The following WLS variants were observed in gnomAD, a reference collection of about 807,000 sequenced individuals.
WLS encodes Wnt ligand secretion mediator.
WLS carries 23 observed loss-of-function variants against 62.8 expected under a neutral mutation model. The observed-to-expected ratio is 0.37, with a 90% confidence interval of 0.26 to 0.52. The LOEUF is 0.52. Among genes scored for constraint, WLS ranks in the 20% least tolerant of loss-of-function variants. The pLI is 0.92. For synonymous variants in WLS, 246 were observed against 244.1 expected (o/e 1.01, Z -0.07); for missense variants, 615 against 697.3 (o/e 0.88, Z 1.33).
chr1:68,155,520 A>T (rs1344979972), intron 3 of WLS, among the ~76,000 whole-genome samples: 1 of 152,190 alleles, frequency 6.6e-6, no homozygotes, highest in Non-Finnish European at 1.5e-5. Context: ...AAGCAGAGAT[A>T]CCTTCCTTCT....
chr1:68,148,478 T>C (rs1209380031), intron 7 of WLS, 85 bp downstream of exon 7: 1 of 1,416,008 alleles, frequency 7.1e-7, no homozygotes. Flanking sequence ...ACCACCATTC[T>C]CCTTTTCAAA....
intron 1 of WLS, among the ~76,000 whole-genome samples, chr1:68,226,017 A>G (rs1467452618): frequency 6.6e-6 from 1 of 152,226 alleles, no homozygotes; most frequent in East Asian, 1.9e-4. Flanking sequence ...GGACTGGCAC[A>G]GGCAAACTTC....
intron 2 of WLS, among the ~76,000 whole-genome samples, chr1:68,164,505 G>A (rs1398768934): frequency 7.2e-5 from 11 of 152,188 alleles, no homozygotes; most frequent in Non-Finnish European, 1.5e-4. Flanking sequence ...TGATCCGCCT[G>A]CCTCAGCTTC....
At chr1:68,113,233 G>GT (rs1646251106) in intron 11 of WLS, among the ~76,000 whole-genome samples, 1 of 152,214 alleles carries the variant, frequency 6.6e-6, no homozygotes, top group African/African-American at 2.4e-5. Context: ...TTATAGATAG[G>GT]TTGTTGAGTC....
rs1198859636 is a variant in WLS, at chr1:68,153,372, G to A, written c.803+145C>T. On this transcript the variant is annotated intron_variant, in intron 5 of 11. Transcript: ENST00000262348. ...CAACTTGCATAGGAAAACTGCAGGA[G>A]AAAAAGGAGTCCAGGATGACTCCTG... The A allele has an allele frequency of 4.8e-6, 5 of 1,048,004 alleles. No individual in the cohort carries two copies. The African/African-American group carries it at 8.0e-5, about 17-fold the overall frequency. The allele number at this position is 1,048,004 out of a possible 1,614,324, so 64.9% of individuals were successfully genotyped here.
intron 11 of WLS, chr1:68,100,822 G>C (rs988912333): frequency 1.3e-5 from 2 of 152,188 alleles, no homozygotes; most frequent in Non-Finnish European, 2.9e-5. Context: ...AAACTATATT[G>C]TAACTGCCTC....
intron 11 of WLS, among the ~76,000 whole-genome samples, chr1:68,135,029 C>A (rs1429972300): frequency 1.3e-5 from 2 of 152,228 alleles, no homozygotes; most frequent in East Asian, 3.8e-4. Flanking sequence ...TTTGGAAATC[C>A]CTTACCTATG....
chr1:68,213,776 C>T (rs895314310), intron 1 of WLS, among the ~76,000 whole-genome samples: 1 of 152,148 alleles, frequency 6.6e-6, no homozygotes, highest in Non-Finnish European at 1.5e-5. Flanking sequence ...CTTGTCTTCC[C>T]AAATTTAAGT....
chr1:68,187,899 G>A (rs1292613434), intron 2 of WLS, among the ~76,000 whole-genome samples: 1 of 151,668 alleles, frequency 6.6e-6, no homozygotes, highest in African/African-American at 2.4e-5. Flanking sequence ...TTCAATTTTG[G>A]TGGTATAATT....
rs1244971628 is a variant in WLS at position 68,174,174 on chromosome 1, C to T, written c.380-14927G>A. Among the ~76,000 whole-genome samples, 8 of 152,316 alleles carry T rather than the reference C, an allele frequency of 5.3e-5. No homozygotes were observed. In the East Asian group the frequency reaches 1.2e-3, roughly 22 times the overall value. The stretch of plus-strand genomic sequence containing the variant: ...CAGCTCTCCCGCAGCTCCATGTTGG[C>T]TCTCAGCGCTGCTGCCAGCCAGCTA... On this transcript the variant is annotated intron_variant, in intron 2 of 11. Coordinates refer to ENST00000262348, the MANE Select transcript of WLS (RefSeq NM_024911.7).
chr1:68,219,271 C>T (rs552212461), intron 1 of WLS, among the ~76,000 whole-genome samples: 2 of 152,312 alleles, frequency 1.3e-5, no homozygotes, highest in East Asian at 1.9e-4. Flanking sequence ...TAACAATCAG[C>T]ATAACAGTAG....
intron 10 of WLS, among the ~76,000 whole-genome samples, chr1:68,140,082 C>T (rs1479551578): frequency 6.6e-6 from 1 of 152,208 alleles, no homozygotes; most frequent in Non-Finnish European, 1.5e-5. Context: ...GTGCCAGATA[C>T]AATACTAAAT....
chr1:68,228,903 T>TG lies in WLS; in HGVS notation c.106+3290_106+3291insC, dbSNP rs1250828105. ...AAAAAATGTGTTTTTTTTTGTTTTT[T>TG]TTTTTTTTTGGTAAGAAGGATGTTG... On this transcript the variant is annotated intron_variant, in intron 1 of 11. Transcript: ENST00000262348. Among the ~76,000 whole-genome samples the TG allele has an allele frequency of 1.5e-3, 216 of 148,174 alleles. 1 individual carries two copies. The highest frequency in any genetic ancestry group is 5.0e-3 in the African/African-American group (204 of 40,704).
intron 1 of WLS, among the ~76,000 whole-genome samples, chr1:68,223,650 G>A (rs1482512621): frequency 1.3e-5 from 2 of 152,194 alleles, no homozygotes; most frequent in Admixed American, 1.3e-4. Flanking sequence ...TCCAACAAGT[G>A]TCAAGTCCTC....
At chr1:68,230,187 G>A (rs955408599) in intron 1 of WLS, among the ~76,000 whole-genome samples, 2 of 152,104 alleles carry the variant, frequency 1.3e-5, no homozygotes, top group African/African-American at 4.8e-5. Context: ...TGTCTGCAAA[G>A]CTAGGAGATC....
intron 1 of WLS, among the ~76,000 whole-genome samples, chr1:68,213,380 C>T (rs924350938): frequency 2.2e-4 from 33 of 147,602 alleles, no homozygotes; most frequent in Non-Finnish European, 8.9e-5. Flanking sequence ...GAACCCGGGA[C>T]GCAGAGGTTG....
intron 1 of WLS, among the ~76,000 whole-genome samples, chr1:68,198,212 C>G (rs1367520947): frequency 6.6e-6 from 1 of 152,170 alleles, no homozygotes. Flanking sequence ...TTGGCCAAAA[C>G]TAAATATGCC....
At chr1:68,162,516 C>G in intron 2 of WLS, 18 of 1,613,118 alleles carry the variant, frequency 1.1e-5, no homozygotes, top group Non-Finnish European at 1.4e-5. Flanking sequence ...CAACCGCCTA[C>G]CCCCTGCGAT....
chr1:68,188,284 CT>C (rs1179444216), intron 2 of WLS, among the ~76,000 whole-genome samples: 1 of 152,192 alleles, frequency 6.6e-6, no homozygotes, highest in Non-Finnish European at 1.5e-5. Flanking sequence ...CAACAGAACT[CT>C]TATTTTGAAG....
Sources: allele counts gnomAD v4.1 joint callset (sites outside exome capture counted in the v4.1 genomes callset), GRCh38; gene constraint gnomAD v4.1.1; transcripts MANE v1.5; gene names NCBI Gene and HGNC (gene_info 2026-07-23, HGNC 2026-07-21).